The following CDC42SE1 variants were observed in gnomAD, a reference collection of about 807,000 sequenced individuals.
CDC42SE1 encodes the protein CDC42 small effector 1, also known as CDC42 small effector protein 1.
Under a neutral mutation model 10.9 loss-of-function variants are expected in CDC42SE1, and 10 were observed. The observed-to-expected ratio is 0.92, with a 90% CI of 0.57 to 1.56. The LOEUF (loss-of-function observed/expected upper bound fraction) is 1.56. Ranked by LOEUF, CDC42SE1 falls within the 40% of genes most tolerant of loss-of-function variation. The pLI is 0.00. For synonymous variants in CDC42SE1, 24 were observed against 32.0 expected, an observed-to-expected ratio of 0.75 and a Z score of 0.85; for missense variants, 81 against 100.8, an observed-to-expected ratio of 0.80 and a Z score of 0.84.
At position 151,056,002 on chromosome 1, in the gene CDC42SE1, G is replaced by A. The variant is rs1676271029; in HGVS notation, c.-263-9C>T. ...TCCTCAGACTCGGAACCCTGGATTA[G>A]AAGAAAGTAAAAAGAAAGATCAGTG... On this transcript the variant is annotated splice_polypyrimidine_tract_variant and intron_variant, in intron 1 of 4. Transcript: ENST00000357235. 1 of 512,426 alleles carries A rather than the reference G, an allele frequency of 2.0e-6. No homozygotes were observed. The highest frequency in any genetic ancestry group is 3.5e-6 in the Non-Finnish European group (1 of 283,504). The allele number at this position is 512,426 out of a possible 1,614,324, so 31.7% of individuals were successfully genotyped here.
rs924747507 is a variant in CDC42SE1 at position 151,057,522 on chromosome 1, C to A, written c.-263-1529G>T. Among the ~76,000 whole-genome samples the A allele has an allele frequency of 2.0e-5, 3 of 151,662 alleles. No individual in the cohort carries two copies. The highest frequency in any genetic ancestry group is 4.8e-5 in the African/African-American group (2 of 41,274). Reference sequence around the variant, plus strand: ...GAGCGAAACTCCGCCTCAAAAAAAACACACACAAAAAAACGAGATAGCAGG... The same window carrying A: ...GAGCGAAACTCCGCCTCAAAAAAAAAACACACAAAAAAACGAGATAGCAGG... On this transcript the variant is annotated intron_variant, in intron 1 of 4. Coordinates refer to ENST00000357235, the MANE Select transcript of CDC42SE1 (RefSeq NM_020239.4). The surrounding 1 kb of genome is among the most constrained non-coding windows in gnomAD (Gnocchi z 4.0).
At chr1:151,054,984 C>T in intron 3 of CDC42SE1, 32 bp downstream of exon 3, 1 of 1,459,480 alleles carries the variant, frequency 6.9e-7, no homozygotes, top group Non-Finnish European at 9.6e-7. Flanking sequence ...AGACCTCACC[C>T]CTGTATCAAC....
At chr1:151,055,490 A>G in intron 2 of CDC42SE1, 187 bp downstream of exon 2, 1 of 640,486 alleles carries the variant, frequency 1.6e-6, no homozygotes, top group Non-Finnish European at 2.8e-6. Flanking sequence ...AGCTAGGACT[A>G]TTCACTTCTT....
intron 4 of CDC42SE1, 59 bp downstream of exon 4, chr1:151,054,172 G>A: frequency 9.4e-7 from 1 of 1,066,238 alleles, no homozygotes; most frequent in Non-Finnish European, 1.5e-6. Context: ...CTGAGTCAGG[G>A]TATCAGGTTG....
At chr1:151,055,445 C>T in intron 2 of CDC42SE1, 4 of 603,098 alleles carry the variant, frequency 6.6e-6, no homozygotes, top group Non-Finnish European at 1.2e-5. Flanking sequence ...CTACAAACCC[C>T]ACCCAGCTCA....
intron 2 of CDC42SE1, 52 bp downstream of exon 2, chr1:151,055,625 C>G: frequency 6.9e-7 from 1 of 1,454,176 alleles, no homozygotes; most frequent in Non-Finnish European, 9.6e-7. Flanking sequence ...TACCTCACAG[C>G]ACACAGTAAC....
In CDC42SE1 at chr1:151,052,863, A is replaced by T. The variant is rs1487703454; in HGVS notation, c.*481T>A. On this transcript the variant is annotated 3_prime_UTR_variant, in exon 5 of 5. Transcript: ENST00000357235. ...GCACCCCCACCAGCCCCTGCTTGACATCTGCTTTAGTTCATTCCAGCAGGA... is the reference window on the plus strand; with the variant it reads ...GCACCCCCACCAGCCCCTGCTTGACTTCTGCTTTAGTTCATTCCAGCAGGA... 6.6e-6 allele frequency: 1 copy of T among 152,264 alleles called. No individual in the cohort carries two copies. The highest frequency in any genetic ancestry group is 1.5e-5 in the Non-Finnish European group (1 of 68,128). 9.4% of individuals were successfully genotyped at this position (152,264 alleles called of 1,614,324 possible). A position where few individuals can be genotyped will look rare whatever the true frequency, so the allele number is the denominator to read the frequency against.
At position 151,055,812 on chromosome 1, in the gene CDC42SE1, A is replaced by C; in HGVS notation, c.-82T>G. 1 of 1,166,920 alleles carries C rather than the reference A, an allele frequency of 8.6e-7. No individual in the cohort carries two copies. Among genetic ancestry groups the C allele is most frequent in the Non-Finnish European group, 1.3e-6 (1 of 790,862 alleles). The allele number at this position is 1,166,920 out of a possible 1,614,324, so 72.3% of individuals were successfully genotyped here. On this transcript the variant is annotated 5_prime_UTR_variant, in exon 2 of 5. Transcript: ENST00000357235. ...CTGGTGTTTGGACAACCCACTCCTC[A>C]CTCTCCCCAGATACACCACCACCCT...
At chr1:151,055,544 C>T in intron 2 of CDC42SE1, 133 bp downstream of exon 2, 1 of 750,858 alleles carries the variant, frequency 1.3e-6, no homozygotes, top group Non-Finnish European at 2.4e-6. Context: ...GCTGCCTGAC[C>T]ATAGAAGCTC....
At chr1:151,054,172 G>GT in intron 4 of CDC42SE1, 59 bp downstream of exon 4, 6 of 1,066,238 alleles carry the variant, frequency 5.6e-6, no homozygotes, top group Non-Finnish European at 8.7e-6. Flanking sequence ...CTGAGTCAGG[G>GT]TATCAGGTTG....
chr1:151,054,452 C>T, intron 3 of CDC42SE1, 131 bp from the exon 4 acceptor site: 1 of 747,676 alleles, frequency 1.3e-6, no homozygotes, highest in South Asian at 1.5e-5. Context: ...AACCACCATT[C>T]CTCCTAGGGG....
intron 1 of CDC42SE1, chr1:151,058,853 G>C (rs1306409721): frequency 6.6e-6 from 1 of 152,572 alleles, no homozygotes; most frequent in Admixed American, 6.5e-5. Context: ...CCCGCGGCCT[G>C]ACAAGCCCTC....
intron 3 of CDC42SE1, 103 bp from the exon 4 acceptor site, chr1:151,054,424 C>T: frequency 1.1e-6 from 1 of 875,636 alleles, no homozygotes; most frequent in Non-Finnish European, 1.9e-6. Context: ...ATCTCCTTGA[C>T]AATAGCAGCC....
Position 151,054,867 on chromosome 1 carries a change from C to T in CDC42SE1, c.165+149G>A, listed in dbSNP as rs916751157. The T allele has an allele frequency of 5.2e-5, 32 of 612,190 alleles. No homozygotes were observed. In the Admixed American group the frequency reaches 7.9e-4, roughly 15 times the overall value. 37.9% of individuals were successfully genotyped at this position (612,190 alleles called of 1,614,324 possible). On this transcript the variant is annotated intron_variant, in intron 3 of 4. Transcript: ENST00000357235. ...CCCAGACACCTAAAATGCCAGGTCT[C>T]GGGTTTCCACAACTGGTGACCAGGA...
In CDC42SE1 at chr1:151,055,383, C is replaced by T. The variant is rs115133842; in HGVS notation, c.55-257G>A. 879 of 595,038 alleles carry T rather than the reference C, an allele frequency of 1.5e-3. 2 individuals are homozygous for T. The African/African-American group carries it at 0.015, about 10-fold the overall frequency. The allele number at this position is 595,038 out of a possible 1,614,324, so 36.9% of individuals were successfully genotyped here. A position where few individuals can be genotyped will look rare whatever the true frequency, so the allele number is the denominator to read the frequency against. ...ACAAAGAAAGGACATGTCAAAGTCA[C>T]CTCTGACTGATGATGAAATAATGGG... On this transcript the variant is annotated intron_variant, in intron 2 of 4. Transcript: ENST00000357235.
intron 1 of CDC42SE1, 32 bp from the exon 2 acceptor site, chr1:151,056,025 GTGAGAAATCTCCCCCTCCCCCAATCCT>G: frequency 2.2e-6 from 1 of 451,462 alleles, no homozygotes. Flanking sequence ...AGAAAGATCA[GTGAGAAATCTCCCCCTCCCCCAATCCT>G]TGAGAAACCT....
intron 3 of CDC42SE1, 65 bp from the exon 4 acceptor site, chr1:151,054,386 T>A (rs1676242073): frequency 7.6e-7 from 1 of 1,311,680 alleles, no homozygotes; most frequent in Non-Finnish European, 1.1e-6. Flanking sequence ...AACTCTACTT[T>A]GTGCCTTCCA....
rs1042808728 is a variant in CDC42SE1 at position 151,052,299 on chromosome 1, G to C, written c.*1045C>G. 6.6e-6 allele frequency: 1 copy of C among 152,340 alleles called. No individual in the cohort carries two copies. The highest frequency in any genetic ancestry group is 6.5e-5 in the Admixed American group (1 of 15,278). The allele number at this position is 152,340 out of a possible 1,614,324, so 9.4% of individuals were successfully genotyped here. On this transcript the variant is annotated 3_prime_UTR_variant, in exon 5 of 5. Transcript: ENST00000357235. Reference sequence around the variant, plus strand: ...CAGCCCAAAATGTCAAAGGCATCTCGGTTGTGAAACCTTGTTCTAGAGCCT... The same window carrying C: ...CAGCCCAAAATGTCAAAGGCATCTCCGTTGTGAAACCTTGTTCTAGAGCCT...
At chr1:151,056,292 TA>T (rs1159719904) in intron 1 of CDC42SE1, among the ~76,000 whole-genome samples, 5 of 152,102 alleles carry the variant, frequency 3.3e-5, no homozygotes, top group Non-Finnish European at 7.4e-5. Flanking sequence ...TGGCAGAAAT[TA>T]GCAAAGTTTG....
Sources: gnomAD v4.1 joint callset for allele counts (sites outside exome capture counted in the v4.1 genomes callset) on GRCh38, gnomAD v4.1.1 for gene constraint, Gnocchi (gnomAD v3.1) non-coding constraint, MANE v1.5 for transcripts, NCBI Gene and HGNC (gene_info 2026-07-23, HGNC 2026-07-21) for gene names.